NKAIN2: variants seen among roughly 807,000 people sequenced by gnomAD.
NKAIN2 encodes sodium/potassium transporting ATPase interacting 2.
A neutral mutation model predicts 32.6 loss-of-function variants in NKAIN2; 14 were observed. The ratio of observed to expected loss-of-function variants is 0.43; its 90% CI spans 0.28 to 0.67. NKAIN2 has a LOEUF of 0.67. Among genes scored for constraint, NKAIN2 ranks in the 30% least tolerant of loss-of-function variants. The probability of loss-of-function intolerance (pLI) is 0.17; values close to 1 mark genes in which losing one functional copy is unlikely to be tolerated. For synonymous variants in NKAIN2, 80 were observed against 87.2 expected (o/e 0.92, Z 0.46); for missense variants, 198 against 258.3 (o/e 0.77, Z 1.60).
chr6:123,945,089 T>C (rs1777002996), intron 1 of NKAIN2, among the ~76,000 whole-genome samples: 2 of 152,154 alleles, frequency 1.3e-5, no homozygotes, highest in African/African-American at 4.8e-5. Context: ...CTATTATTAA[T>C]GCTGAAGATG....
chr6:124,367,933 T>A (rs1799594425), intron 3 of NKAIN2, among the ~76,000 whole-genome samples: 1 of 152,136 alleles, frequency 6.6e-6, no homozygotes, highest in Non-Finnish European at 1.5e-5. Context: ...GTCCATTTTT[T>A]AAAATTCAAA....
rs193140703 is a variant in NKAIN2 at position 124,577,833 on chromosome 6, T to A, written c.274-80353T>A. 1.6e-4 allele frequency among the ~76,000 whole-genome samples: 25 copies of A among 152,222 alleles called. No individual in the cohort carries two copies. The East Asian group carries it at 4.7e-3, about 28-fold the overall frequency. Reference sequence around the variant, plus strand: ...TCCTTGAGGAGAGGACAAGGAAAAGTAAAGAGGACTTTATCTTGCAACTTA... The same window carrying A: ...TCCTTGAGGAGAGGACAAGGAAAAGAAAAGAGGACTTTATCTTGCAACTTA... On this transcript the variant is annotated intron_variant, in intron 3 of 6. Transcript: ENST00000368417.
At chr6:124,562,272 A>G (rs1780724833) in intron 3 of NKAIN2, among the ~76,000 whole-genome samples, 1 of 152,226 alleles carries the variant, frequency 6.6e-6, no homozygotes. Flanking sequence ...AGTGCCATTG[A>G]GACACCATCT....
chr6:124,566,081 A>T (rs925870429), intron 3 of NKAIN2, among the ~76,000 whole-genome samples: 1 of 152,216 alleles, frequency 6.6e-6, no homozygotes, highest in Non-Finnish European at 1.5e-5. Context: ...AGAGATTTGC[A>T]CCAATTCCGA....
intron 6 of NKAIN2, 73 bp downstream of exon 6, chr6:124,818,541 T>C: frequency 6.5e-6 from 4 of 616,126 alleles, no homozygotes; most frequent in East Asian, 2.8e-5. Context: ...CGATACAAAA[T>C]TGATGGCATG....
intron 3 of NKAIN2, among the ~76,000 whole-genome samples, chr6:124,473,077 C>T (rs564808970): frequency 4.6e-5 from 7 of 152,188 alleles, no homozygotes; most frequent in South Asian, 4.2e-4. Flanking sequence ...CAAAGGAAAG[C>T]GCCCAAATTT....
chr6:123,890,518 GTTCT>G (rs1469763663), intron 1 of NKAIN2, among the ~76,000 whole-genome samples: 19 of 151,880 alleles, frequency 1.3e-4, no homozygotes, highest in East Asian at 3.9e-4. Context: ...AATGAAATGG[GTTCT>G]TTAGAAAAGA....
intron 1 of NKAIN2, among the ~76,000 whole-genome samples, chr6:124,082,886 G>A (rs1784038856): frequency 6.6e-6 from 1 of 151,962 alleles, no homozygotes; most frequent in African/African-American, 2.4e-5. Context: ...TTAACAAGCA[G>A]TGTAGTAGGT....
chr6:124,475,072 T>G (rs1395498431), intron 3 of NKAIN2, among the ~76,000 whole-genome samples: 4 of 151,804 alleles, frequency 2.6e-5, no homozygotes, highest in Non-Finnish European at 5.9e-5. Flanking sequence ...TCAGACTAGA[T>G]CATTCTAGAG....
rs1431038715 is a variant in NKAIN2, at chr6:124,496,406, C to T, written c.273+141059C>T. The stretch of plus-strand genomic sequence containing the variant: ...GGCAAGGCTATATGTATGGTAGGTA[C>T]CAAGGAAGATATAAAGATTAATAAG... On this transcript the variant is annotated intron_variant, in intron 3 of 6. Transcript: ENST00000368417. Among the ~76,000 whole-genome samples the T allele has an allele frequency of 2.0e-5, 3 of 151,972 alleles. No individual in the cohort carries two copies. In the East Asian group the frequency reaches 5.8e-4, roughly 29 times the overall value.
intron 1 of NKAIN2, among the ~76,000 whole-genome samples, chr6:123,935,347 G>A (rs1776451328): frequency 6.6e-6 from 1 of 151,474 alleles, no homozygotes; most frequent in African/African-American, 2.4e-5. Context: ...GACTGTCAAA[G>A]CCATTAATTT....
At chr6:124,146,589 A>G (rs753519268) in intron 1 of NKAIN2, among the ~76,000 whole-genome samples, 1 of 152,210 alleles carries the variant, frequency 6.6e-6, no homozygotes, top group African/African-American at 2.4e-5. Context: ...ATGTTTGTAG[A>G]ACATTGCTCA....
rs575586852 is a variant in NKAIN2, at chr6:124,576,154, C to T, written c.274-82032C>T. Among the ~76,000 whole-genome samples the T allele has an allele frequency of 1.3e-5, 2 of 152,088 alleles. 1 individual carries two copies. The highest frequency in any genetic ancestry group is 4.1e-4 in the South Asian group (2 of 4,820). ...CTAATGATACACATTTTTATGATTT[C>T]GAGTGACAAATTGGGAAGTATGCAT... On this transcript the variant is annotated intron_variant, in intron 3 of 6. Coordinates refer to ENST00000368417, the MANE Select transcript of NKAIN2 (RefSeq NM_001040214.3).
chr6:124,643,103 A>G (rs1784050194), intron 3 of NKAIN2, among the ~76,000 whole-genome samples: 1 of 152,178 alleles, frequency 6.6e-6, no homozygotes, highest in South Asian at 2.1e-4. Flanking sequence ...CAATCCTACA[A>G]GAGAAGGATT....
intron 3 of NKAIN2, 98 bp downstream of exon 3, chr6:124,355,445 A>T (rs1798927052): frequency 1.5e-6 from 1 of 676,130 alleles, no homozygotes; most frequent in Admixed American, 2.5e-5. Context: ...GCTTAGCTGC[A>T]CCTCAATGAA....
chr6:124,647,373 C>G (rs1200288831), intron 3 of NKAIN2, among the ~76,000 whole-genome samples: 2 of 151,268 alleles, frequency 1.3e-5, no homozygotes, highest in Non-Finnish European at 2.9e-5. Flanking sequence ...ATAATGAAAC[C>G]CTGTCTCTAC....
chr6:124,572,071 C>T (rs930932426), intron 3 of NKAIN2, among the ~76,000 whole-genome samples: 24 of 152,164 alleles, frequency 1.6e-4, no homozygotes, highest in African/African-American at 4.1e-4. Context: ...GAGTCCTCTA[C>T]CCAGTGGCAT....
chr6:124,605,660 C>A (rs1162535786), intron 3 of NKAIN2, among the ~76,000 whole-genome samples: 1 of 151,968 alleles, frequency 6.6e-6, no homozygotes, highest in Non-Finnish European at 1.5e-5. Flanking sequence ...TCAAGTTTTC[C>A]TACATAAAAT....
At chr6:124,060,871 A>G (rs563384398) in intron 1 of NKAIN2, among the ~76,000 whole-genome samples, 2 of 152,324 alleles carry the variant, frequency 1.3e-5, no homozygotes, top group South Asian at 2.1e-4. Flanking sequence ...AAAAATATTC[A>G]GCCACTAAAA....
Sources: gnomAD v4.1 joint callset for allele counts (sites outside exome capture counted in the v4.1 genomes callset) on GRCh38, gnomAD v4.1.1 for gene constraint, MANE v1.5 for transcripts, NCBI Gene and HGNC (gene_info 2026-07-23, HGNC 2026-07-21) for gene names.